ADORA2B: variants seen among roughly 807,000 people sequenced by gnomAD.
ADORA2B encodes adenosine receptor A2b.
In ADORA2B, 18 loss-of-function variants were observed where a neutral mutation model predicts 20.8. The observed-to-expected ratio is 0.87, with a 90% CI of 0.60 to 1.29. ADORA2B has a LOEUF of 1.29. ADORA2B is among the 50% of genes most tolerant of loss of function. ADORA2B has a pLI of 0.00. For missense variants in ADORA2B, 441 were observed against 422.7 expected (o/e 1.04, Z -0.38); for synonymous variants, 179 against 178.3 (o/e 1.00, Z -0.03).
At chr17:15,856,838 T>C in the ADORA2B span, among the ~76,000 whole-genome samples, 1 of 152,352 alleles carries the variant, frequency 6.6e-6, no homozygotes, top group African/African-American at 2.4e-5. Context: ...AAGTTTGGAA[T>C]ATTTGCAGCC....
At chr17:15,946,138 T>C (rs947447069) in intron 1 of ADORA2B, among the ~76,000 whole-genome samples, 1 of 152,214 alleles carries the variant, frequency 6.6e-6, no homozygotes, top group Non-Finnish European at 1.5e-5. Flanking sequence ...ACGTGTCTGC[T>C]GCGGAGAGGC....
chr17:15,893,629 A>G, the ADORA2B span, among the ~76,000 whole-genome samples: 2 of 152,108 alleles, frequency 1.3e-5, no homozygotes, highest in African/African-American at 4.8e-5. Context: ...TTCAAAGCCT[A>G]TTCCAAAGAA....
intron 1 of ADORA2B, among the ~76,000 whole-genome samples, chr17:15,963,333 T>G (rs1370644001): frequency 6.6e-6 from 1 of 152,080 alleles, no homozygotes; most frequent in East Asian, 1.9e-4. Flanking sequence ...ACCTGCTAAT[T>G]AAAATGGGAA....
At chr17:15,880,723 C>T in the ADORA2B span, among the ~76,000 whole-genome samples, 1 of 152,182 alleles carries the variant, frequency 6.6e-6, no homozygotes, top group African/African-American at 2.4e-5. Flanking sequence ...GATGCCTAGT[C>T]ACCAGCACGC....
intron 1 of ADORA2B, among the ~76,000 whole-genome samples, chr17:15,971,120 G>A (rs926375882): frequency 6.6e-6 from 1 of 152,190 alleles, no homozygotes; most frequent in Non-Finnish European, 1.5e-5. Context: ...CCTGTTACCC[G>A]CTGTACTCGA....
intron 1 of ADORA2B, among the ~76,000 whole-genome samples, chr17:15,954,901 TACTTGTA>T (rs1448010466): frequency 6.6e-6 from 1 of 152,262 alleles, no homozygotes; most frequent in Non-Finnish European, 1.5e-5. Flanking sequence ...TAATGATTCT[TACTTGTA>T]ACTTGTATCT....
At chr17:15,972,074 C>G (rs797007337) in intron 1 of ADORA2B, among the ~76,000 whole-genome samples, 5 of 152,246 alleles carry the variant, frequency 3.3e-5, no homozygotes, top group African/African-American at 1.2e-4. Context: ...TAAGCCAGCT[C>G]TATGACAAGT....
chr17:15,865,321 G>A, the ADORA2B span, among the ~76,000 whole-genome samples: 1 of 151,886 alleles, frequency 6.6e-6, no homozygotes, highest in Non-Finnish European at 1.5e-5. Flanking sequence ...GAGTGCAGTG[G>A]CGTGATCTCG....
chr17:15,902,711 C>G, the ADORA2B span, among the ~76,000 whole-genome samples: 1 of 152,298 alleles, frequency 6.6e-6, no homozygotes, highest in African/African-American at 2.4e-5. Flanking sequence ...GCTGTCCACA[C>G]CAAACCACAT....
At chr17:15,868,304 C>T in the ADORA2B span, among the ~76,000 whole-genome samples, 2 of 135,622 alleles carry the variant, frequency 1.5e-5, no homozygotes, top group Non-Finnish European at 3.3e-5. Flanking sequence ...GTTGACCTTC[C>T]CTCCACTATT....
intron 1 of ADORA2B, among the ~76,000 whole-genome samples, chr17:15,957,549 C>T (rs989013844): frequency 4.1e-4 from 62 of 152,164 alleles, no homozygotes; most frequent in Non-Finnish European, 1.3e-4. Context: ...TCCCAGATTT[C>T]CGGTCGCCTG....
the ADORA2B span, among the ~76,000 whole-genome samples, chr17:15,939,133 C>T: frequency 5.3e-5 from 8 of 152,098 alleles, no homozygotes; most frequent in Admixed American, 3.9e-4. Context: ...CTCCAGCTCC[C>T]GAGTTCAAGC....
the ADORA2B span, among the ~76,000 whole-genome samples, chr17:15,878,190 C>CAA: frequency 1.4e-5 from 1 of 70,988 alleles, no homozygotes; most frequent in Non-Finnish European, 2.9e-5. Flanking sequence ...TGTATACACA[C>CAA]ACACACACAC....
At chr17:15,871,925 G>C in the ADORA2B span, among the ~76,000 whole-genome samples, 2 of 152,096 alleles carry the variant, frequency 1.3e-5, no homozygotes, top group African/African-American at 2.4e-5. Flanking sequence ...CATTGAACAT[G>C]GGCTTTTTAT....
the ADORA2B span, among the ~76,000 whole-genome samples, chr17:15,939,859 CAA>C: frequency 0.018 from 967 of 53,264 alleles, 4 homozygotes; most frequent in African/African-American, 0.063. Flanking sequence ...GACTCTGTCT[CAA>C]AAAAAAAAAA....
intron 1 of ADORA2B, among the ~76,000 whole-genome samples, chr17:15,973,450 G>A (rs551156453): frequency 3.3e-5 from 5 of 152,300 alleles, no homozygotes; most frequent in African/African-American, 1.2e-4. Context: ...CAAGCACTTA[G>A]AACAGGGTTC....
upstream of ADORA2B, among the ~76,000 whole-genome samples, chr17:15,940,921 A>G (rs1263565948): frequency 6.6e-6 from 1 of 151,096 alleles, no homozygotes; most frequent in Admixed American, 6.6e-5. Context: ...ACCATGTGGC[A>G]ACAAGCCTAA....
chr17:15,971,915 G>A (rs990136053), intron 1 of ADORA2B, among the ~76,000 whole-genome samples: 1 of 152,148 alleles, frequency 6.6e-6, no homozygotes, highest in Non-Finnish European at 1.5e-5. Context: ...TTATAGGCAT[G>A]AGCCACCATG....
At chr17:15,902,965 G>C in the ADORA2B span, among the ~76,000 whole-genome samples, 1 of 152,154 alleles carries the variant, frequency 6.6e-6, no homozygotes, top group East Asian at 1.9e-4. Flanking sequence ...GCTACTTTGT[G>C]ATCTGGGAGG....
Sources: gnomAD v4.1 joint callset for allele counts (sites outside exome capture counted in the v4.1 genomes callset) on GRCh38, gnomAD v4.1.1 for gene constraint, MANE v1.5 for transcripts, NCBI Gene and HGNC (gene_info 2026-07-23, HGNC 2026-07-21) for gene names.